Variants in C1QTNF3 observed in about 807,000 individuals in gnomAD.
C1QTNF3 encodes the protein complement C1q tumor necrosis factor-related protein 3.
A neutral mutation model predicts 32.6 loss-of-function variants in C1QTNF3; 26 were observed. The observed-to-expected ratio is 0.80, with a 90% CI of 0.58 to 1.11. C1QTNF3 has a LOEUF of 1.11. Ranked by LOEUF, C1QTNF3 falls within the 50% of genes least tolerant of loss-of-function variation. C1QTNF3 has a pLI of 0.00. For missense variants in C1QTNF3, 362 were observed against 398.2 expected (o/e 0.91, Z 0.77); for synonymous variants, 155 against 146.0 (o/e 1.06, Z -0.44).
chr5:34,085,253 C>A, the C1QTNF3 span, among the ~76,000 whole-genome samples: 1 of 150,380 alleles, frequency 6.6e-6, no homozygotes. Flanking sequence ...CCTCAGCCTC[C>A]CAACGTGCTG....
At position 34,018,044 on chromosome 5, in the gene C1QTNF3, G is replaced by C. The variant is rs1754237627; in HGVS notation, c.*2539C>G. ...TTAATATGTTTAGTCCAACCCATTAGAGCAAGATACAAAAATATATAAAAA... is the reference window on the plus strand; with the variant it reads ...TTAATATGTTTAGTCCAACCCATTACAGCAAGATACAAAAATATATAAAAA... On this transcript the variant is annotated 3_prime_UTR_variant, in exon 6 of 6. Coordinates refer to ENST00000382065, the MANE Select transcript of C1QTNF3 (RefSeq NM_181435.6). 1.3e-5 allele frequency among the ~76,000 whole-genome samples: 2 copies of C among 151,620 alleles called. No homozygotes were observed. Among genetic ancestry groups the C allele is most frequent in the Admixed American group, 1.3e-4 (2 of 15,232 alleles).
chr5:34,201,400 A>G, the C1QTNF3 span, among the ~76,000 whole-genome samples: 1 of 152,166 alleles, frequency 6.6e-6, no homozygotes, highest in East Asian at 1.9e-4. Context: ...ATCTATTAAT[A>G]ACTTCATTTT....
chr5:34,055,595 A>G, the C1QTNF3 span, among the ~76,000 whole-genome samples: 1 of 152,248 alleles, frequency 6.6e-6, no homozygotes, highest in Non-Finnish European at 1.5e-5. Flanking sequence ...GGAGGGAGAT[A>G]TAAATTGTCA....
At chr5:34,092,292 T>C in the C1QTNF3 span, among the ~76,000 whole-genome samples, 1 of 151,816 alleles carries the variant, frequency 6.6e-6, no homozygotes, top group Non-Finnish European at 1.5e-5. Context: ...TTAAATAATA[T>C]ACTCATGGCA....
At chr5:34,154,054 G>A in the C1QTNF3 span, among the ~76,000 whole-genome samples, 1 of 151,416 alleles carries the variant, frequency 6.6e-6, no homozygotes, top group South Asian at 2.1e-4. Flanking sequence ...ATGTCATTTG[G>A]TATAAATAAT....
At chr5:34,167,167 G>A in the C1QTNF3 span, 1 of 151,996 alleles carries the variant, frequency 6.6e-6, no homozygotes, top group African/African-American at 2.4e-5. Context: ...CAAGCTAGCT[G>A]CCCATCATCA....
chr5:34,030,797 C>A lies in C1QTNF3; in HGVS notation c.571-1914G>T, dbSNP rs372979914. ...GTCCCTTGCAGGAACATGGATGGAACGGGAGGCCATTATCCTTAGCAAACT... is the reference window on the plus strand; with the variant it reads ...GTCCCTTGCAGGAACATGGATGGAAAGGGAGGCCATTATCCTTAGCAAACT... On this transcript the variant is annotated intron_variant, in intron 3 of 5. Coordinates refer to ENST00000382065, the MANE Select transcript of C1QTNF3 (RefSeq NM_181435.6). 6.6e-5 allele frequency among the ~76,000 whole-genome samples: 10 copies of A among 152,156 alleles called. No homozygotes were observed. In the East Asian group the frequency reaches 1.9e-3, roughly 29 times the overall value.
At chr5:34,175,234 G>A in the C1QTNF3 span, among the ~76,000 whole-genome samples, 1 of 151,208 alleles carries the variant, frequency 6.6e-6, no homozygotes, top group Admixed American at 6.6e-5. Flanking sequence ...TGTAGAGATG[G>A]GGGTCCTCCT....
chr5:34,215,655 T>C, the C1QTNF3 span, among the ~76,000 whole-genome samples: 1 of 152,210 alleles, frequency 6.6e-6, no homozygotes, highest in African/African-American at 2.4e-5. Flanking sequence ...TTTGTTTTTT[T>C]ACTTTTGGAG....
the C1QTNF3 span, among the ~76,000 whole-genome samples, chr5:34,084,817 T>TTTTA: frequency 8.9e-6 from 1 of 112,686 alleles, no homozygotes. Context: ...TTGTTTTTTT[T>TTTTA]CTGTGCAGAA....
chr5:34,099,453 A>T, the C1QTNF3 span, among the ~76,000 whole-genome samples: 8 of 152,206 alleles, frequency 5.3e-5, no homozygotes, highest in Non-Finnish European at 1.2e-4. Flanking sequence ...ATACCATATG[A>T]AAAACAGTGT....
chr5:34,128,225 C>G, the C1QTNF3 span, among the ~76,000 whole-genome samples: 252 of 152,234 alleles, frequency 1.7e-3, 2 homozygotes, highest in East Asian at 3.5e-3. Flanking sequence ...GTGCAGAAGA[C>G]AAGAATTGAG....
the C1QTNF3 span, among the ~76,000 whole-genome samples, chr5:34,174,606 A>G: frequency 6.6e-6 from 1 of 152,196 alleles, no homozygotes; most frequent in Admixed American, 6.5e-5. Flanking sequence ...CGCCATCACC[A>G]TATCCTTCTC....
At chr5:34,033,158 A>G in intron 3 of C1QTNF3, 146 bp downstream of exon 3, 1 of 850,486 alleles carries the variant, frequency 1.2e-6, no homozygotes. Flanking sequence ...TTATGCAAAC[A>G]TCCTGTGATG....
the C1QTNF3 span, among the ~76,000 whole-genome samples, chr5:34,085,142 C>T: frequency 1.3e-5 from 2 of 149,816 alleles, no homozygotes; most frequent in Admixed American, 6.6e-5. Context: ...AGGCGCCTGC[C>T]ACTACGCCCG....
chr5:34,204,465 T>C, the C1QTNF3 span, among the ~76,000 whole-genome samples: 1 of 152,214 alleles, frequency 6.6e-6, no homozygotes, highest in Admixed American at 6.5e-5. Context: ...AACTGGTCAT[T>C]ATTTTAAGTG....
chr5:34,194,994 G>A, the C1QTNF3 span, among the ~76,000 whole-genome samples: 1 of 151,980 alleles, frequency 6.6e-6, no homozygotes, highest in Admixed American at 6.5e-5. Context: ...TCCAATCCTT[G>A]GTTGGCTTAA....
the C1QTNF3 span, among the ~76,000 whole-genome samples, chr5:34,146,998 A>T: frequency 6.6e-6 from 1 of 152,220 alleles, no homozygotes; most frequent in Non-Finnish European, 1.5e-5. Flanking sequence ...ATAAATAGGC[A>T]ATAGACGTTA....
At chr5:34,127,736 C>T in the C1QTNF3 span, among the ~76,000 whole-genome samples, 2 of 151,828 alleles carry the variant, frequency 1.3e-5, no homozygotes, top group East Asian at 1.9e-4. Flanking sequence ...TACAGGCATG[C>T]ACCACCACGC....
Sources: gnomAD v4.1 joint callset for allele counts (sites outside exome capture counted in the v4.1 genomes callset) on GRCh38, gnomAD v4.1.1 for gene constraint, MANE v1.5 for transcripts, NCBI Gene and HGNC (gene_info 2026-07-23, HGNC 2026-07-21) for gene names.